Variants in AIG1 observed in about 807,000 individuals in gnomAD.
The protein encoded by AIG1 is androgen-induced gene 1 protein.
In AIG1, 23 loss-of-function variants were observed where a neutral mutation model predicts 31.4. The ratio of observed to expected loss-of-function variants is 0.73; its 90% CI spans 0.53 to 1.04. AIG1 has a LOEUF of 1.04. Ranked by LOEUF, AIG1 falls within the 50% of genes least tolerant of loss-of-function variation. The probability of loss-of-function intolerance (pLI) is 0.00; values close to 1 mark genes in which losing one functional copy is unlikely to be tolerated. For missense variants in AIG1, 274 were observed against 295.0 expected (o/e 0.93, Z 0.52); for synonymous variants, 100 against 110.5 (o/e 0.90, Z 0.60).
downstream of AIG1, chr6:143,342,800 C>T: frequency 1.2e-6 from 1 of 802,236 alleles, no homozygotes; most frequent in South Asian, 1.3e-5. Context: ...TGGAGAGTAC[C>T]TTCTCTGCAG....
chr6:143,191,988 G>A (rs908536440), intron 3 of AIG1, among the ~76,000 whole-genome samples: 6 of 152,188 alleles, frequency 3.9e-5, no homozygotes, highest in African/African-American at 1.4e-4. Flanking sequence ...CTGTTTTGAA[G>A]CTGAATTATC....
At chr6:143,072,174 T>A (rs890853165) in intron 1 of AIG1, among the ~76,000 whole-genome samples, 8 of 152,190 alleles carry the variant, frequency 5.3e-5, no homozygotes, top group African/African-American at 1.9e-4. Flanking sequence ...CTGTATATCC[T>A]CTTTAGTGAA....
intron 1 of AIG1, among the ~76,000 whole-genome samples, chr6:143,085,809 C>T (rs922261560): frequency 6.6e-6 from 1 of 152,190 alleles, no homozygotes; most frequent in Non-Finnish European, 1.5e-5. Flanking sequence ...CTCTCAATCA[C>T]CCGGGAGGTG....
chr6:143,146,011 A>C (rs1583317916), intron 2 of AIG1, among the ~76,000 whole-genome samples: 1 of 152,318 alleles, frequency 6.6e-6, no homozygotes, highest in East Asian at 1.9e-4. Context: ...GATTTCTTAC[A>C]CATTTGATGA....
At chr6:143,343,287 C>A (rs1777891157), downstream of AIG1, 1 of 630,960 alleles carries the variant, frequency 1.6e-6, no homozygotes, top group Middle Eastern at 2.8e-4. Flanking sequence ...TGTTACTTAC[C>A]CTCATGAACT....
At chr6:143,323,630 G>A (rs1776391829) in intron 4 of AIG1, among the ~76,000 whole-genome samples, 1 of 152,120 alleles carries the variant, frequency 6.6e-6, no homozygotes, top group East Asian at 1.9e-4. Flanking sequence ...ACCATTTTGA[G>A]CCCTGTTTCC....
downstream of AIG1, chr6:143,342,856 CGTT>C: frequency 1.2e-6 from 1 of 829,018 alleles, no homozygotes; most frequent in Non-Finnish European, 2.2e-6. Flanking sequence ...CTCAAAAGTC[CGTT>C]GTTCTCCAAT....
intron 3 of AIG1, among the ~76,000 whole-genome samples, chr6:143,230,590 G>T (rs1175371695): frequency 6.7e-6 from 1 of 149,438 alleles, no homozygotes; most frequent in Non-Finnish European, 1.5e-5. Context: ...AATATTAACT[G>T]TTATAAATTA....
intron 3 of AIG1, among the ~76,000 whole-genome samples, chr6:143,176,586 T>C (rs539731606): frequency 7.9e-5 from 12 of 151,990 alleles, no homozygotes; most frequent in South Asian, 2.1e-4. Flanking sequence ...GGGGGGGTTA[T>C]AGCTGTCTCT....
At chr6:143,126,037 G>A (rs1782659781) in intron 1 of AIG1, among the ~76,000 whole-genome samples, 1 of 152,202 alleles carries the variant, frequency 6.6e-6, no homozygotes, top group Admixed American at 6.5e-5. Flanking sequence ...AAAAATGTTT[G>A]TGGTGAAGTT....
chr6:143,066,164 T>G (rs1311285946), intron 1 of AIG1, among the ~76,000 whole-genome samples: 1 of 152,252 alleles, frequency 6.6e-6, no homozygotes, highest in African/African-American at 2.4e-5. Context: ...ATCAGGTGAT[T>G]TCTATGCACA....
intron 1 of AIG1, among the ~76,000 whole-genome samples, chr6:143,118,859 A>G (rs890928854): frequency 6.6e-6 from 1 of 151,954 alleles, no homozygotes; most frequent in African/African-American, 2.4e-5. Context: ...GTCCCAAAGA[A>G]AGAATTTTCT....
At chr6:143,134,090 ACT>A (rs1783510293) in intron 1 of AIG1, among the ~76,000 whole-genome samples, 1 of 151,968 alleles carries the variant, frequency 6.6e-6, no homozygotes, top group African/African-American at 2.4e-5. Flanking sequence ...AATAAAAACC[ACT>A]CTCTTTAAAC....
intron 1 of AIG1, among the ~76,000 whole-genome samples, chr6:143,117,268 A>G (rs941339423): frequency 2.0e-5 from 3 of 152,078 alleles, no homozygotes; most frequent in African/African-American, 7.2e-5. Context: ...CCTGTGGGAC[A>G]TGTTGATAAG....
chr6:143,244,302 C>T (rs1794459854), intron 3 of AIG1, among the ~76,000 whole-genome samples: 1 of 152,144 alleles, frequency 6.6e-6, no homozygotes, highest in Non-Finnish European at 1.5e-5. Context: ...ATGGCATGGA[C>T]TTTGCAGGTG....
chr6:143,317,618 C>T (rs1775871904), intron 4 of AIG1, among the ~76,000 whole-genome samples: 1 of 152,192 alleles, frequency 6.6e-6, no homozygotes, highest in South Asian at 2.1e-4. Context: ...CCACTCTCAC[C>T]ACTTTTAGTC....
At chr6:143,231,381 C>G (rs1793426667) in intron 3 of AIG1, among the ~76,000 whole-genome samples, 1 of 152,062 alleles carries the variant, frequency 6.6e-6, no homozygotes, top group African/African-American at 2.4e-5. Context: ...AGGTATTATG[C>G]TAATTTTTAA....
At chr6:143,235,665 C>T (rs1472005300) in intron 3 of AIG1, among the ~76,000 whole-genome samples, 4 of 152,122 alleles carry the variant, frequency 2.6e-5, no homozygotes, top group Non-Finnish European at 5.9e-5. Context: ...GCCCCTATAA[C>T]AAAGATAAAT....
At chr6:143,178,494 A>G (rs1233687015) in intron 3 of AIG1, among the ~76,000 whole-genome samples, 1 of 152,152 alleles carries the variant, frequency 6.6e-6, no homozygotes, top group East Asian at 1.9e-4. Flanking sequence ...TCTTATTAGG[A>G]CTACAGGCAT....
Sources: gnomAD v4.1 joint callset for allele counts (sites outside exome capture counted in the v4.1 genomes callset) on GRCh38, gnomAD v4.1.1 for gene constraint, MANE v1.5 for transcripts, NCBI Gene and HGNC (gene_info 2026-07-23, HGNC 2026-07-21) for gene names.